Variants in CELF6 observed in about 807,000 individuals in gnomAD.
CELF6 encodes the protein CUGBP Elav-like family member 6.
CELF6 carries 32 observed loss-of-function variants against 53.1 expected under a neutral mutation model. The ratio of observed to expected loss-of-function variants is 0.60; its 90% CI spans 0.46 to 0.81. The LOEUF is 0.81. Among genes scored for constraint, CELF6 ranks in the 30% least tolerant of loss-of-function variants. The pLI, the probability that CELF6 is intolerant of heterozygous loss-of-function variation, is 0.00. For synonymous variants in CELF6, 291 were observed against 288.8 expected, an observed-to-expected ratio of 1.01 and a Z score of -0.08; for missense variants, 539 against 669.5, an observed-to-expected ratio of 0.81 and a Z score of 2.15.
rs1383467210 is a variant in CELF6, at chr15:72,289,680, C to T, written c.694G>A (p.Ala232Thr). The T allele has an allele frequency of 2.0e-6, 3 of 1,492,250 alleles. No individual in the cohort carries two copies. The highest frequency in any genetic ancestry group is 2.7e-6 in the Non-Finnish European group (3 of 1,130,808). The allele number at this position is 1,492,250 out of a possible 1,614,324, so 92.4% of individuals were successfully genotyped here. Reference sequence around the variant, plus strand: ...AGCGGCAGTGGCGCGGGGTGGAAGGCGCCCAGGTGGCCGGCCATCTGCTGC... The same window carrying T: ...AGCGGCAGTGGCGCGGGGTGGAAGGTGCCCAGGTGGCCGGCCATCTGCTGC... ...RMQQMAGHLG[A>T]FHPAPLPLGA... is the part of the protein sequence containing the mutation. Residue 232 changes from alanine (A) to threonine (T), a missense_variant, in exon 6 of 13, where the codon GCC becomes ACC. This residue lies in a region of CELF6 where 358 missense variants were observed against 412.8 expected (regional missense o/e 0.87). Coordinates refer to ENST00000287202, the MANE Select transcript of CELF6 (RefSeq NM_052840.5). The surrounding 1 kb of genome is among the most constrained non-coding windows in gnomAD (Gnocchi z 7.6).
intron 11 of CELF6, 22 bp from the exon 12 acceptor site, chr15:72,287,414 A>G: frequency 6.2e-7 from 1 of 1,613,358 alleles, no homozygotes; most frequent in Non-Finnish European, 8.5e-7. Flanking sequence ...GGGCAAAGAG[A>G]TTAGCTGGGG....
In CELF6 at chr15:72,320,129, C is replaced by A; in HGVS notation, c.-255G>T. On this transcript the variant is annotated 5_prime_UTR_variant, in exon 1 of 13. Transcript: ENST00000287202. ...TGGGGTCTGGCTTGAGGTCCCCGTG[C>A]GGCTCTCTCTGGGCTCCCGCCCGAG... 1.6e-6 allele frequency: 1 copy of A among 641,972 alleles called. No homozygotes were observed. Among genetic ancestry groups the A allele is most frequent in the South Asian group, 1.5e-5 (1 of 66,048 alleles). The allele number at this position is 641,972 out of a possible 1,614,324, so 39.8% of individuals were successfully genotyped here. A position where few individuals can be genotyped will look rare whatever the true frequency, so the allele number is the denominator to read the frequency against.
intron 1 of CELF6, among the ~76,000 whole-genome samples, chr15:72,316,135 G>C (rs536213895): frequency 1.7e-4 from 26 of 152,252 alleles, no homozygotes; most frequent in African/African-American, 6.0e-4. Flanking sequence ...CCTTTCATTT[G>C]CTCCTGGCAT....
intron 2 of CELF6, among the ~76,000 whole-genome samples, chr15:72,306,917 A>G (rs2140302076): frequency 6.6e-6 from 1 of 152,206 alleles, no homozygotes; most frequent in East Asian, 1.9e-4. Context: ...AAATGATGTG[A>G]GAGAAAGACA....
At chr15:72,314,589 GTTTTTTTTTTT>G (rs984879836) in intron 2 of CELF6, among the ~76,000 whole-genome samples, 2 of 97,844 alleles carry the variant, frequency 2.0e-5, no homozygotes, top group South Asian at 3.4e-4. Flanking sequence ...AAAACCCAGT[GTTTTTTTTTTT>G]TTTTTTTTTT....
chr15:72,303,158 T>C (rs1383378711), intron 3 of CELF6, among the ~76,000 whole-genome samples: 3 of 152,222 alleles, frequency 2.0e-5, no homozygotes, highest in East Asian at 3.9e-4. Context: ...GACTGGCTCA[T>C]GGTTGTGGGC....
intron 3 of CELF6, among the ~76,000 whole-genome samples, chr15:72,290,629 A>G (rs1443860222): frequency 6.6e-6 from 1 of 152,144 alleles, no homozygotes; most frequent in Non-Finnish European, 1.5e-5. Context: ...CCATTTCTGT[A>G]CTATTAAGGA....
chr15:72,294,635 A>T (rs1193613257), intron 3 of CELF6, among the ~76,000 whole-genome samples: 2 of 152,218 alleles, frequency 1.3e-5, no homozygotes, highest in African/African-American at 4.8e-5. Context: ...CACACAAAAA[A>T]TCAGTTGTGT....
intron 2 of CELF6, among the ~76,000 whole-genome samples, chr15:72,307,868 G>A (rs2088250185): frequency 6.6e-6 from 1 of 152,202 alleles, no homozygotes; most frequent in Non-Finnish European, 1.5e-5. Flanking sequence ...TTGCAGGACT[G>A]GGGTCATTGG....
intron 2 of CELF6, chr15:72,313,705 C>A: frequency 8.4e-6 from 8 of 952,776 alleles, no homozygotes; most frequent in Non-Finnish European, 1.0e-5. Context: ...CTGTTTCCCA[C>A]ATGGAATGTT....
At position 72,287,148 on chromosome 15, in the gene CELF6, T is replaced by TGC. The variant is rs1595772766; in HGVS notation, c.*28+87_*28+88dup. 3.3e-6 allele frequency: 4 copies of TGC among 1,224,376 alleles called. No homozygotes were observed. The East Asian group carries it at 9.4e-5, about 29-fold the overall frequency. 75.8% of individuals were successfully genotyped at this position (1,224,376 alleles called of 1,614,324 possible). A position where few individuals can be genotyped will look rare whatever the true frequency, so the allele number is the denominator to read the frequency against. ...TATCCCAGACTTTCTCAGAGGTGGG[T>TGC]GCCTCCAAGGTCCCAAAAGGAGGAC... On this transcript the variant is annotated intron_variant, in intron 12 of 12. Coordinates refer to ENST00000287202, the MANE Select transcript of CELF6 (RefSeq NM_052840.5).
At position 72,286,024 on chromosome 15, in the gene CELF6, G is replaced by C. The variant is rs754715234; in HGVS notation, c.*347C>G. The C allele has an allele frequency of 6.6e-6, 1 of 152,428 alleles. No homozygotes were observed. The highest frequency in any genetic ancestry group is 1.9e-4 in the East Asian group (1 of 5,188). The allele number at this position is 152,428 out of a possible 1,614,324, so 9.4% of individuals were successfully genotyped here. A position where few individuals can be genotyped will look rare whatever the true frequency, so the allele number is the denominator to read the frequency against. ...ATTCTTAAAAAAGCAATAGTCCTTT[G>C]GTCCCTAAACTCTAAGGAATGATAT... On this transcript the variant is annotated 3_prime_UTR_variant, in exon 13 of 13. Transcript: ENST00000287202.
Position 72,288,694 on chromosome 15 carries a change from T to C in CELF6, c.1094-76A>G. 6.9e-7 allele frequency: 1 copy of C among 1,453,232 alleles called. No individual in the cohort carries two copies. Among genetic ancestry groups the C allele is most frequent in the Non-Finnish European group, 9.4e-7 (1 of 1,059,634 alleles). 90.0% of individuals were successfully genotyped at this position (1,453,232 alleles called of 1,614,324 possible). On this transcript the variant is annotated intron_variant, in intron 9 of 12. Coordinates refer to ENST00000287202, the MANE Select transcript of CELF6 (RefSeq NM_052840.5). The surrounding 1 kb of genome is among the most constrained non-coding windows in gnomAD (Gnocchi z 4.6). ...GCAGGGCCCCAACTGCCTGGCCGCT[T>C]TTGACCAATTCAGCCCAGTCCACCA...
At position 72,318,047 on chromosome 15, in the gene CELF6, T is replaced by C. The variant is rs910655033; in HGVS notation, c.262+1566A>G. ...AAGGGTATTCTATACACTTCCCTTA[T>C]TGTACGGATGGCCTACAAAGATTAG... is the stretch of plus-strand genomic sequence containing the variant. On this transcript the variant is annotated intron_variant, in intron 1 of 12. Transcript: ENST00000287202. 6.6e-5 allele frequency among the ~76,000 whole-genome samples: 10 copies of C among 152,180 alleles called. No individual in the cohort carries two copies. The South Asian group carries it at 8.3e-4, about 13-fold the overall frequency.
rs1362727240 is a variant in CELF6 at position 72,287,368 on chromosome 15, G to A, written c.1343C>T (p.Thr448Ile). ...CGCCTGAATAGCAGTCTGGGCACTAGTTGGATTGTCAAAACTAACAAACCC... is the reference window on the plus strand; with the variant it reads ...CGCCTGAATAGCAGTCTGGGCACTAATTGGATTGTCAAAACTAACAAACCC... Reference protein sequence around the residue: ...CFGFVSFDNPTSAQTAIQAMN... With the variant: ...CFGFVSFDNPISAQTAIQAMN... Residue 448 changes from threonine (T) to isoleucine (I), a missense_variant, in exon 12 of 13, where the codon ACT becomes ATT. Thr to Ile is a moderately conservative substitution (Grantham distance 89). This residue lies in a region of CELF6 where 358 missense variants were observed against 412.8 expected (regional missense o/e 0.87). Coordinates refer to ENST00000287202, the MANE Select transcript of CELF6 (RefSeq NM_052840.5). 6.2e-7 allele frequency: 1 copy of A among 1,614,176 alleles called. No individual in the cohort carries two copies. The highest frequency in any genetic ancestry group is 1.1e-5 in the South Asian group (1 of 91,088).
At chr15:72,311,074 C>T (rs750095711) in intron 2 of CELF6, among the ~76,000 whole-genome samples, 2 of 152,320 alleles carry the variant, frequency 1.3e-5, no homozygotes, top group Non-Finnish European at 2.9e-5. Flanking sequence ...CATGATTCAG[C>T]TCAGATAACA....
chr15:72,302,290 C>T (rs1281978546), intron 3 of CELF6, among the ~76,000 whole-genome samples: 3 of 152,174 alleles, frequency 2.0e-5, no homozygotes, highest in Non-Finnish European at 2.9e-5. Context: ...GTCATCCAAA[C>T]CTGCAAGAAG....
Position 72,288,793 on chromosome 15 carries a change from A to T in CELF6, c.1093+75T>A. 6.9e-7 allele frequency: 1 copy of T among 1,438,988 alleles called. No homozygotes were observed. The allele number at this position is 1,438,988 out of a possible 1,614,324, so 89.1% of individuals were successfully genotyped here. A position where few individuals can be genotyped will look rare whatever the true frequency, so the allele number is the denominator to read the frequency against. ...GGATCAACTCCTTGGAACAGAGCCT[A>T]AATCCCCCACAACTCTCCCTATTTC... On this transcript the variant is annotated intron_variant, in intron 9 of 12. Transcript: ENST00000287202. This position sits in a 1 kb window ranked among gnomAD's most constrained non-coding sequence, Gnocchi z 4.6.
In CELF6 at chr15:72,287,363, C is replaced by A. The variant is rs2087935666; in HGVS notation, c.1348G>T (p.Ala450Ser). 1 of 1,614,038 alleles carries A rather than the reference C, an allele frequency of 6.2e-7. No homozygotes were observed. The highest frequency in any genetic ancestry group is 1.3e-5 in the African/African-American group (1 of 74,940). ...GFVSFDNPTS[A>S]QTAIQAMNGF... ...TTCATCGCCTGAATAGCAGTCTGGG[C>A]ACTAGTTGGATTGTCAAAACTAACA... The change falls in exon 12 of 13, where the codon GCC becomes TCC. Residue 450 changes from alanine (A) to serine (S), a missense_variant. Transcript: ENST00000287202.
Sources: allele counts gnomAD v4.1 joint callset (sites outside exome capture counted in the v4.1 genomes callset), GRCh38; gene constraint gnomAD v4.1.1; regional missense constraint gnomAD v4.1.1; non-coding constraint Gnocchi (gnomAD v3.1); transcripts MANE v1.5; gene names NCBI Gene and HGNC (gene_info 2026-07-23, HGNC 2026-07-21).